PLEKHM2: variants seen among roughly 807,000 people sequenced by gnomAD.
The protein encoded by PLEKHM2 is pleckstrin homology and RUN domain containing M2.
PLEKHM2 carries 77 observed loss-of-function variants against 116.3 expected under a neutral mutation model. The ratio of observed to expected loss-of-function variants is 0.66; its 90% CI spans 0.55 to 0.80. The LOEUF is 0.80. Among genes scored for constraint, PLEKHM2 ranks in the 30% least tolerant of loss-of-function variants. The pLI is 0.00. For missense variants in PLEKHM2, 1,183 were observed against 1,354.9 expected, an observed-to-expected ratio of 0.87 and a Z score of 1.99; for synonymous variants, 562 against 571.0, an observed-to-expected ratio of 0.98 and a Z score of 0.22.
chr1:15,729,288 A>G lies in PLEKHM2; in HGVS notation c.2075+98A>G, dbSNP rs2068107391. 2 of 978,152 alleles carry G rather than the reference A, an allele frequency of 2.0e-6. No individual in the cohort carries two copies. The highest frequency in any genetic ancestry group is 3.2e-6 in the Non-Finnish European group (2 of 625,468). The allele number at this position is 978,152 out of a possible 1,614,324, so 60.6% of individuals were successfully genotyped here. On this transcript the variant is annotated intron_variant, in intron 13 of 19. Transcript: ENST00000375799. This position sits in a 1 kb window ranked among gnomAD's most constrained non-coding sequence, Gnocchi z 4.7. The stretch of plus-strand genomic sequence containing the variant: ...GTCAGGGGTGGAGGTGGAAAGTGGG[A>G]GATCCAGGAGGGGAAACCAGATGTA...
chr1:15,684,860 GC>G (rs1000796409), intron 1 of PLEKHM2, among the ~76,000 whole-genome samples: 1 of 152,082 alleles, frequency 6.6e-6, no homozygotes, highest in African/African-American at 2.4e-5. Flanking sequence ...CCCAAACCTG[GC>G]CCGGGGCCCT....
chr1:15,727,523 C>T lies in PLEKHM2; in HGVS notation c.1451C>T (p.Pro484Leu). The part of the protein sequence containing the change: ...TVTSGGGHHD[P>L]AGLGQPLHVP... The stretch of plus-strand genomic sequence containing the variant: ...ACATCAGGTGGCGGCCACCATGACC[C>T]TGCAGGGCTTGGCCAACCGCTGCAT... The change falls in exon 9 of 20, where the codon CCT becomes CTT. Residue 484 changes from proline (P) to leucine (L), a missense_variant. Around this residue, in one of 3 missense-constraint regions of PLEKHM2, gnomAD observed 594 missense variants for 720.1 expected, o/e 0.82. Transcript: ENST00000375799. This position sits in a 1 kb window ranked among gnomAD's most constrained non-coding sequence, Gnocchi z 7.5. 1 of 1,579,104 alleles carries T rather than the reference C, an allele frequency of 6.3e-7. No individual in the cohort carries two copies.
intron 19 of PLEKHM2, 131 bp from the exon 20 acceptor site, chr1:15,733,666 C>T (rs936946974): frequency 2.1e-6 from 2 of 972,370 alleles, no homozygotes; most frequent in Admixed American, 2.4e-5. Flanking sequence ...GGAAGATGTT[C>T]CCAGGGAGAG....
At position 15,697,797 on chromosome 1, in the gene PLEKHM2, A is replaced by AT. The variant is rs914128579; in HGVS notation, c.60+13191dup. 1.6e-3 allele frequency among the ~76,000 whole-genome samples: 232 copies of AT among 146,626 alleles called. 2 individuals carry two copies. In the East Asian group the frequency reaches 0.026, roughly 16 times the overall value. On this transcript the variant is annotated intron_variant, in intron 1 of 19. Coordinates refer to ENST00000375799, the MANE Select transcript of PLEKHM2 (RefSeq NM_015164.4). The stretch of plus-strand genomic sequence containing the variant: ...AGGTGTATGCCACCATGCCCAGCTA[A>AT]TTTTTTTTTTTTGTACATTTAGTAG...
chr1:15,683,667 G>T (rs528314609), upstream of PLEKHM2, among the ~76,000 whole-genome samples: 299 of 146,710 alleles, frequency 2.0e-3, 1 homozygote, highest in African/African-American at 6.7e-3. Context: ...GTCTTTGGGG[G>T]TCTCTGAGGA....
At chr1:15,692,466 T>C (rs928003928) in intron 1 of PLEKHM2, among the ~76,000 whole-genome samples, 2 of 152,226 alleles carry the variant, frequency 1.3e-5, no homozygotes, top group Admixed American at 1.3e-4. Context: ...GGGAGGGACC[T>C]GAAGGTCCCT....
In PLEKHM2 at chr1:15,684,522, C is replaced by CGGA; in HGVS notation, c.-35_-34insAGG. On this transcript the variant is annotated 5_prime_UTR_variant, in exon 1 of 20. Transcript: ENST00000375799. ...GGAAGCGGCGGCGGGGCGGCGGCGG[C>CGGA]GGTGGCGGTGGCGGTGGCGGCGACG... 9.3e-7 allele frequency: 1 copy of CGGA among 1,080,058 alleles called. No individual in the cohort carries two copies. Among genetic ancestry groups the CGGA allele is most frequent in the Middle Eastern group, 3.4e-4 (1 of 2,964 alleles). The allele number at this position is 1,080,058 out of a possible 1,614,324, so 66.9% of individuals were successfully genotyped here. A position where few individuals can be genotyped will look rare whatever the true frequency, so the allele number is the denominator to read the frequency against.
In PLEKHM2 at chr1:15,716,785, G is replaced by T; in HGVS notation, c.246G>T (p.Val82=). Reference sequence around the variant, plus strand: ...GAGAGGCCATCAAGCAGATCGAGGTGCTGCAGCACGTGGCCACCAACCTGG... The same window carrying T: ...GAGAGGCCATCAAGCAGATCGAGGTTCTGCAGCACGTGGCCACCAACCTGG... ...TRREAIKQIE[V]LQHVATNLGR... is the part of the protein sequence containing the mutation. Residue 82 remains valine, a synonymous_variant, in exon 3 of 20, where the codon GTG becomes GTT. Coordinates refer to ENST00000375799, the MANE Select transcript of PLEKHM2 (RefSeq NM_015164.4). The T allele has an allele frequency of 6.4e-7, 1 of 1,571,638 alleles. No individual in the cohort carries two copies. Among genetic ancestry groups the T allele is most frequent in the Non-Finnish European group, 8.6e-7 (1 of 1,158,416 alleles).
rs2067996424 is a variant in PLEKHM2, at chr1:15,721,413, T to A, written c.712+25T>A. On this transcript the variant is annotated intron_variant, in intron 7 of 19. Transcript: ENST00000375799. This position sits in a 1 kb window ranked among gnomAD's most constrained non-coding sequence, Gnocchi z 5.1. ...GGTGGGCCAGAGTCCGCTGTTACCCTCTTTTCCTGTTTTGCAATGTTTCCA... is the reference window on the plus strand; with the variant it reads ...GGTGGGCCAGAGTCCGCTGTTACCCACTTTTCCTGTTTTGCAATGTTTCCA... The A allele has an allele frequency of 6.8e-7, 1 of 1,478,524 alleles. No individual in the cohort carries two copies. Among genetic ancestry groups the A allele is most frequent in the African/African-American group, 1.4e-5 (1 of 72,020 alleles). 91.6% of individuals were successfully genotyped at this position (1,478,524 alleles called of 1,614,324 possible).
chr1:15,710,469 A>G (rs914365415), intron 1 of PLEKHM2, among the ~76,000 whole-genome samples: 4 of 151,552 alleles, frequency 2.6e-5, no homozygotes, highest in African/African-American at 9.7e-5. Context: ...CTGGGATTAC[A>G]GGCATGGTGG....
At chr1:15,683,361 A>C (rs12564900), upstream of PLEKHM2, among the ~76,000 whole-genome samples, 13 of 151,094 alleles carry the variant, frequency 8.6e-5, no homozygotes, top group African/African-American at 2.9e-4. Flanking sequence ...TGGGGCTTGC[A>C]GGCTAAGAGG....
At chr1:15,706,536 G>C (rs1246250762) in intron 1 of PLEKHM2, among the ~76,000 whole-genome samples, 2 of 152,156 alleles carry the variant, frequency 1.3e-5, no homozygotes, top group Admixed American at 6.5e-5. Context: ...CTCCCGAGTA[G>C]CTGGGATTAC....
chr1:15,708,963 A>G, intron 1 of PLEKHM2, among the ~76,000 whole-genome samples: 1 of 152,218 alleles, frequency 6.6e-6, no homozygotes, highest in East Asian at 1.9e-4. Flanking sequence ...ATGAACCCTC[A>G]TGGCAACCTA....
At chr1:15,700,880 G>A (rs1032605168) in intron 1 of PLEKHM2, among the ~76,000 whole-genome samples, 2 of 151,884 alleles carry the variant, frequency 1.3e-5, no homozygotes, top group Admixed American at 6.6e-5. Context: ...TTGGGAGGCC[G>A]AGGCAGGTAG....
intron 8 of PLEKHM2, among the ~76,000 whole-genome samples, chr1:15,726,551 G>A (rs562856279): frequency 3.3e-5 from 5 of 152,302 alleles, no homozygotes; most frequent in South Asian, 2.1e-4. Flanking sequence ...AGTGGGACCC[G>A]GAGCGTGAGC....
In PLEKHM2 at chr1:15,727,314, C is replaced by T. The variant is rs7517033; in HGVS notation, c.1242C>T (p.Ile414=). 13,619 of 1,601,994 alleles carry T rather than the reference C, an allele frequency of 8.5e-3. 994 individuals are homozygous for T. The African/African-American group carries it at 0.16, about 19-fold the overall frequency. ...ERLGQPLSKV[I]DQLNGQLDPS... The stretch of plus-strand genomic sequence containing the variant: ...TGGGGCAGCCCCTGAGCAAGGTTAT[C>T]GACCAGCTCAACGGGCAGCTGGACC... Residue 414 remains isoleucine, a synonymous_variant, in exon 9 of 20, where the codon ATC becomes ATT. Transcript: ENST00000375799. This position sits in a 1 kb window ranked among gnomAD's most constrained non-coding sequence, Gnocchi z 7.5.
intron 1 of PLEKHM2, among the ~76,000 whole-genome samples, chr1:15,712,252 C>T (rs1185462677): frequency 2.0e-5 from 3 of 151,960 alleles, no homozygotes; most frequent in African/African-American, 4.8e-5. Context: ...TGTTCCACTG[C>T]GCTTTTAATC....
chr1:15,707,445 G>A (rs1303538155), intron 1 of PLEKHM2, among the ~76,000 whole-genome samples: 4 of 152,064 alleles, frequency 2.6e-5, no homozygotes, highest in East Asian at 1.9e-4. Flanking sequence ...TCCACTTGCC[G>A]TCATAGCACA....
Position 15,727,133 on chromosome 1 carries a change from G to T in PLEKHM2, c.1061G>T (p.Arg354Leu), listed in dbSNP as rs751121316. 8.8e-6 allele frequency: 14 copies of T among 1,590,438 alleles called. No individual in the cohort carries two copies. The highest frequency in any genetic ancestry group is 1.7e-5 in the Admixed American group (1 of 57,282). ...GCCAAGCAGGGGGACGGTGACAGCC[G>T]CAACGGCAGCCCAAGCCTTGGGCGG... Reference protein sequence around the residue: ...KCAKQGDGDSRNGSPSLGRDS... With the variant: ...KCAKQGDGDSLNGSPSLGRDS... The change falls in exon 9 of 20, where the codon CGC (arginine) becomes CTC (leucine). Residue 354 changes from arginine (R) to leucine (L), a missense_variant. Coordinates refer to ENST00000375799, the MANE Select transcript of PLEKHM2 (RefSeq NM_015164.4). This position sits in a 1 kb window ranked among gnomAD's most constrained non-coding sequence, Gnocchi z 7.5.
Sources: allele counts gnomAD v4.1 joint callset (sites outside exome capture counted in the v4.1 genomes callset), GRCh38; gene constraint gnomAD v4.1.1; regional missense constraint gnomAD v4.1.1; non-coding constraint Gnocchi (gnomAD v3.1); transcripts MANE v1.5; gene names NCBI Gene and HGNC (gene_info 2026-07-23, HGNC 2026-07-21).